The following PIK3R3 variants were observed in gnomAD, a reference collection of about 807,000 sequenced individuals.
The protein encoded by PIK3R3 is phosphoinositide-3-kinase regulatory subunit 3, also known as phosphatidylinositol 3-kinase regulatory subunit gamma.
Under a neutral mutation model 62.9 loss-of-function variants are expected in PIK3R3, and 64 were observed. The observed-to-expected ratio is 1.02, with a 90% CI of 0.83 to 1.25. The LOEUF is 1.25. Among genes scored for constraint, PIK3R3 ranks in the 50% most tolerant of loss-of-function variants. The pLI, the probability that PIK3R3 is intolerant of heterozygous loss-of-function variation, is 0.00. For synonymous variants in PIK3R3, 165 were observed against 189.0 expected (o/e 0.87, Z 1.04); for missense variants, 614 against 561.6 (o/e 1.09, Z -0.94).
chr1:46,114,388 C>T (rs1653996212), intron 1 of PIK3R3, among the ~76,000 whole-genome samples: 1 of 152,210 alleles, frequency 6.6e-6, no homozygotes, highest in African/African-American at 2.4e-5. Context: ...AAACATCTTA[C>T]CGCCTCCCCT....
chr1:46,071,728 T>G lies in PIK3R3; in HGVS notation c.315-4637A>C, dbSNP rs867308977. Among the ~76,000 whole-genome samples, 174 of 48,942 alleles carry G rather than the reference T, an allele frequency of 3.6e-3. 14 individuals are homozygous for G. The highest frequency in any genetic ancestry group is 5.1e-3 in the Non-Finnish European group (136 of 26,682). The allele number at this position is 48,942 out of a possible 152,430, so 32.1% of individuals were successfully genotyped here. A position where few individuals can be genotyped will look rare whatever the true frequency, so the allele number is the denominator to read the frequency against. ...AAAAAAAAAAATATATATATATATA[T>G]ATAGAGAGAGAGAGAGAGAGAGAGA... is the stretch of plus-strand genomic sequence containing the variant. On this transcript the variant is annotated intron_variant, in intron 3 of 9. Transcript: ENST00000262741.
At chr1:46,078,451 G>A (rs919075299) in intron 2 of PIK3R3, among the ~76,000 whole-genome samples, 17 of 152,164 alleles carry the variant, frequency 1.1e-4, no homozygotes, top group African/African-American at 4.1e-4. Flanking sequence ...CTGAGACAGG[G>A]GAATCACTTG....
intron 3 of PIK3R3, among the ~76,000 whole-genome samples, chr1:46,072,707 G>A (rs376935037): frequency 6.6e-6 from 1 of 152,050 alleles, no homozygotes; most frequent in East Asian, 1.9e-4. Flanking sequence ...TCCCAGGACT[G>A]GGGAGGCCAA....
the PIK3R3 span, among the ~76,000 whole-genome samples, chr1:46,146,686 T>TACACACAC: frequency 2.6e-3 from 242 of 92,856 alleles, 7 homozygotes; most frequent in African/African-American, 3.0e-3. Flanking sequence ...CCTCCAACTC[T>TACACACAC]ACACACACAC....
intron 2 of PIK3R3, among the ~76,000 whole-genome samples, chr1:46,080,354 A>C (rs2149413696): frequency 6.6e-6 from 1 of 151,432 alleles, no homozygotes; most frequent in East Asian, 2.0e-4. Context: ...GAGCCACTGC[A>C]CCCGGCCTTA....
At chr1:46,045,644 T>TTTTTTTTTTTTTTCTTTC (rs370501368) in intron 9 of PIK3R3, among the ~76,000 whole-genome samples, 1 of 82,596 alleles carries the variant, frequency 1.2e-5, no homozygotes, top group Non-Finnish European at 2.3e-5. Context: ...TTTTTTTTTT[T>TTTTTTTTTTTTTTCTTTC]CAATTTAAGA....
chr1:46,059,857 T>C lies in PIK3R3; in HGVS notation c.764+2072A>G, dbSNP rs560022431. Among the ~76,000 whole-genome samples, 203 of 152,282 alleles carry C rather than the reference T, an allele frequency of 1.3e-3. 1 individual carries two copies. The highest frequency in any genetic ancestry group is 2.7e-3 in the Non-Finnish European group (181 of 68,026). ...GCTCATGCCTGTAATCCCAGCACTT[T>C]GGGAGGCCAAGGCGGGCAGATCACC... is the stretch of plus-strand genomic sequence containing the variant. On this transcript the variant is annotated intron_variant, in intron 6 of 9. Transcript: ENST00000262741.
intron 1 of PIK3R3, among the ~76,000 whole-genome samples, chr1:46,080,957 C>T (rs1453625989): frequency 6.6e-6 from 1 of 151,966 alleles, no homozygotes; most frequent in African/African-American, 2.4e-5. Context: ...TTTTTTCCTT[C>T]TTATGAAACA....
intron 1 of PIK3R3, among the ~76,000 whole-genome samples, chr1:46,103,875 T>G (rs1289097848): frequency 6.6e-6 from 1 of 151,922 alleles, no homozygotes; most frequent in African/African-American, 2.4e-5. Context: ...ATTACAGGCA[T>G]GAACCACCAC....
At chr1:46,073,205 C>T (rs1649707794) in intron 3 of PIK3R3, among the ~76,000 whole-genome samples, 1 of 152,168 alleles carries the variant, frequency 6.6e-6, no homozygotes, top group African/African-American at 2.4e-5. Flanking sequence ...TGCTTTGCTT[C>T]TGCTGTCTGT....
At chr1:46,138,987 G>A in the PIK3R3 span, 2 of 152,204 alleles carry the variant, frequency 1.3e-5, no homozygotes, top group South Asian at 2.1e-4. Flanking sequence ...TGATGTCAGT[G>A]TGTGAAATTC....
At chr1:46,055,373 GTGC>G (rs1274436377) in intron 7 of PIK3R3, among the ~76,000 whole-genome samples, 10 of 152,190 alleles carry the variant, frequency 6.6e-5, no homozygotes, top group Non-Finnish European at 1.3e-4. Context: ...GCCTCCCAAA[GTGC>G]TGGGGTTACA....
At chr1:46,060,592 G>T (rs532758218) in intron 6 of PIK3R3, among the ~76,000 whole-genome samples, 2 of 152,310 alleles carry the variant, frequency 1.3e-5, no homozygotes, top group South Asian at 4.1e-4. Context: ...TTCAGTTTAT[G>T]GAAGAGAAAA....
At position 46,046,374 on chromosome 1, in the gene PIK3R3, C is replaced by T. The variant is rs1046246090; in HGVS notation, c.1016+177G>A. Among the ~76,000 whole-genome samples the T allele has an allele frequency of 4.6e-5, 7 of 152,112 alleles. No individual in the cohort carries two copies. The South Asian group carries it at 1.5e-3, about 32-fold the overall frequency. On this transcript the variant is annotated intron_variant, in intron 8 of 9. Coordinates refer to ENST00000262741, the MANE Select transcript of PIK3R3 (RefSeq NM_003629.4). ...CCAGATTTTGAGTTCAGAAGCAGGTCTCTGAACTCCAGTGCCTATAGGGTA... is the reference window on the plus strand; with the variant it reads ...CCAGATTTTGAGTTCAGAAGCAGGTTTCTGAACTCCAGTGCCTATAGGGTA...
rs1031388121 is a variant in PIK3R3, at chr1:46,045,617, CTTT to C, written c.1187+298_1187+300del. Among the ~76,000 whole-genome samples, 34 of 21,206 alleles carry C rather than the reference CTTT, an allele frequency of 1.6e-3. 1 individual carries two copies. The highest frequency in any genetic ancestry group is 0.014 in the South Asian group (8 of 590). The allele number at this position is 21,206 out of a possible 152,430, so 13.9% of individuals were successfully genotyped here. A position where few individuals can be genotyped will look rare whatever the true frequency, so the allele number is the denominator to read the frequency against. ...TAGGATACTACTAAACAATTAAGTG[CTTT>C]TTTTTTTTTTTTTTTTTTTTTTTTC... On this transcript the variant is annotated intron_variant, in intron 9 of 9. Transcript: ENST00000262741.
chr1:46,067,062 A>T lies in PIK3R3; in HGVS notation c.344T>A (p.Ile115Asn), dbSNP rs749914917. The change falls in exon 4 of 10, where the codon ATC becomes AAC. Residue 115 changes from isoleucine to asparagine, a missense_variant. Ile to Asn is a moderately radical substitution (Grantham distance 149, BLOSUM62 -3). Transcript: ENST00000262741. ...RKGGNNKLIK[I>N]YHRDGKYGFS... ...GCCATATTTACCATCCCGGTGATAG[A>T]TCTTTATTAACTTATTATTGCCTCC... 7 of 1,589,478 alleles carry T rather than the reference A, an allele frequency of 4.4e-6. No homozygotes were observed. Among genetic ancestry groups the T allele is most frequent in the South Asian group, 1.1e-5 (1 of 87,566 alleles).
chr1:46,050,639 T>G (rs1221555475), intron 7 of PIK3R3, among the ~76,000 whole-genome samples: 2 of 152,206 alleles, frequency 1.3e-5, no homozygotes, highest in African/African-American at 4.8e-5. Context: ...CTGGTGTGAA[T>G]GTAAAATAGT....
rs762145303 is a variant in PIK3R3 at position 46,043,783 on chromosome 1, T to C, written c.1276A>G (p.Lys426Glu). Reference protein sequence around the residue: ...AEPYNLYSSLKELVLHYQQTS... With the variant: ...AEPYNLYSSLEELVLHYQQTS... ...TGCTGGTAATGGAGCACTAGCTCCT[T>C]CAGAGAGCTGTACAGGTTGTAGGGC... is the stretch of plus-strand genomic sequence containing the variant. Residue 426 changes from lysine (K) to glutamate (E), a missense_variant, in exon 10 of 10, where the codon AAG (lysine) becomes GAG (glutamate). By Grantham distance (56) the Lys-to-Glu change is moderately conservative. Coordinates refer to ENST00000262741, the MANE Select transcript of PIK3R3 (RefSeq NM_003629.4). 2 of 1,614,080 alleles carry C rather than the reference T, an allele frequency of 1.2e-6. No individual in the cohort carries two copies. Among genetic ancestry groups the C allele is most frequent in the African/African-American group, 1.3e-5 (1 of 74,944 alleles).
intron 1 of PIK3R3, among the ~76,000 whole-genome samples, chr1:46,124,501 A>C (rs1654923482): frequency 6.6e-6 from 1 of 152,222 alleles, no homozygotes; most frequent in Non-Finnish European, 1.5e-5. Context: ...AAAAATATAA[A>C]AGTATTCATG....
Sources: allele counts gnomAD v4.1 joint callset (sites outside exome capture counted in the v4.1 genomes callset), GRCh38; gene constraint gnomAD v4.1.1; transcripts MANE v1.5; gene names NCBI Gene and HGNC (gene_info 2026-07-23, HGNC 2026-07-21).